The following BIRC6 variants were observed in gnomAD, a reference collection of about 807,000 sequenced individuals.
The protein encoded by BIRC6 is baculoviral IAP repeat containing 6.
A neutral mutation model predicts 503.3 loss-of-function variants in BIRC6; 98 were observed. The observed-to-expected ratio is 0.19, with a 90% CI of 0.17 to 0.23. The LOEUF is 0.23. Among genes scored for constraint, BIRC6 ranks in the 10% least tolerant of loss-of-function variants. BIRC6 has a pLI of 1.00. For missense variants in BIRC6, 5,360 were observed against 5,806.0 expected (o/e 0.92, Z 2.50); for synonymous variants, 2,240 against 2,078.7 (o/e 1.08, Z -2.11).
intron 4 of BIRC6, 135 bp downstream of exon 4, chr2:32,389,078 AAATC>A (rs1228621196): frequency 3.2e-6 from 2 of 616,780 alleles, no homozygotes; most frequent in Non-Finnish European, 4.9e-6. Flanking sequence ...AATTAAAAAA[AAATC>A]AATATGAATT....
At chr2:32,399,159 C>T (rs944570060) in intron 6 of BIRC6, among the ~76,000 whole-genome samples, 2 of 152,016 alleles carry the variant, frequency 1.3e-5, no homozygotes, top group African/African-American at 2.4e-5. Flanking sequence ...GATCTTGGTT[C>T]ACTGCAACCC....
chr2:32,605,573 G>C (rs568496000), intron 71 of BIRC6, among the ~76,000 whole-genome samples: 1 of 152,148 alleles, frequency 6.6e-6, no homozygotes, highest in Non-Finnish European at 1.5e-5. Context: ...CAGTAAATGT[G>C]AGATGTCTGG....
chr2:32,530,143 G>A lies in BIRC6; in HGVS notation c.12094+319G>A, dbSNP rs148915182. 7.1e-4 allele frequency among the ~76,000 whole-genome samples: 108 copies of A among 152,230 alleles called. 1 individual carries two copies. The highest frequency in any genetic ancestry group is 1.1e-3 in the Non-Finnish European group (77 of 68,008). Reference sequence around the variant, plus strand: ...ACTTTGTTATAATTTATATTGAGTGGCATTTCTTGCATATAAACATGTTTT... The same window carrying A: ...ACTTTGTTATAATTTATATTGAGTGACATTTCTTGCATATAAACATGTTTT... On this transcript the variant is annotated intron_variant, in intron 60 of 73. Coordinates refer to ENST00000421745, the MANE Select transcript of BIRC6 (RefSeq NM_016252.4).
chr2:32,511,055 T>C (rs2054340704), intron 53 of BIRC6, among the ~76,000 whole-genome samples: 1 of 152,154 alleles, frequency 6.6e-6, no homozygotes, highest in Non-Finnish European at 1.5e-5. Context: ...GTTCTGTTTA[T>C]TTATTATTGA....
At chr2:32,460,998 CTCTCT>C (rs1244077881) in intron 23 of BIRC6, among the ~76,000 whole-genome samples, 7,574 of 88,488 alleles carry the variant, frequency 0.086, 381 homozygotes, top group East Asian at 0.09. Context: ...CTCTGCTCTG[CTCTCT>C]TCTCTTCTCT....
chr2:32,596,907 C>T (rs2061712571), intron 68 of BIRC6, among the ~76,000 whole-genome samples: 1 of 152,134 alleles, frequency 6.6e-6, no homozygotes, highest in Non-Finnish European at 1.5e-5. Flanking sequence ...AAAGTTACTA[C>T]CTGTCAGAAA....
intron 72 of BIRC6, among the ~76,000 whole-genome samples, chr2:32,608,174 T>G (rs1187688227): frequency 6.6e-6 from 1 of 150,532 alleles, no homozygotes; most frequent in Non-Finnish European, 1.5e-5. Flanking sequence ...GCACCTGTAG[T>G]CTTAGATACT....
Position 32,575,267 on chromosome 2 carries a change from A to C in BIRC6, c.13256A>C (p.Asn4419Thr), listed in dbSNP as rs940513119. ...VPLLLPLSTENGEEEEEQSEC... is the reference protein window; with the variant it reads ...VPLLLPLSTETGEEEEEQSEC... ...CTATTGTTGCCCCTTTCTACAGAGA[A>C]CGGTGAAGAGGAAGAAGAACAGTCA... The change falls in exon 66 of 74, where the codon AAC (asparagine) becomes ACC (threonine). Residue 4419 changes from asparagine (N) to threonine (T), a missense_variant. Transcript: ENST00000421745. 1.4e-5 allele frequency: 22 copies of C among 1,613,854 alleles called. No individual in the cohort carries two copies. The highest frequency in any genetic ancestry group is 1.8e-5 in the Non-Finnish European group (21 of 1,179,886).
chr2:32,608,116 C>T (rs1342640994), intron 72 of BIRC6, among the ~76,000 whole-genome samples: 2 of 149,080 alleles, frequency 1.3e-5, no homozygotes, highest in African/African-American at 2.5e-5. Flanking sequence ...GACAATATAG[C>T]AAGACCCCAT....
chr2:32,502,655 T>G, intron 47 of BIRC6, 140 bp from the exon 48 acceptor site: 1 of 573,210 alleles, frequency 1.7e-6, no homozygotes, highest in Non-Finnish European at 2.9e-6. Context: ...TTCTTATGTA[T>G]TTTGGCAGAC....
At chr2:32,408,157 G>T (rs1407423205) in intron 9 of BIRC6, among the ~76,000 whole-genome samples, 2 of 152,090 alleles carry the variant, frequency 1.3e-5, no homozygotes, top group Non-Finnish European at 2.9e-5. Context: ...TAGTAGAGAT[G>T]GGGTTTCACC....
At chr2:32,584,952 C>G (rs1573196306) in intron 66 of BIRC6, among the ~76,000 whole-genome samples, 1 of 152,146 alleles carries the variant, frequency 6.6e-6, no homozygotes, top group Non-Finnish European at 1.5e-5. Flanking sequence ...AAACCCCTTT[C>G]TTTCTGGCAG....
intron 65 of BIRC6, among the ~76,000 whole-genome samples, chr2:32,551,255 G>T (rs1017513403): frequency 2.6e-5 from 4 of 151,474 alleles, no homozygotes; most frequent in African/African-American, 9.7e-5. Flanking sequence ...TATCAGTTTT[G>T]GTTAGAATAG....
intron 1 of BIRC6, among the ~76,000 whole-genome samples, chr2:32,365,012 C>G (rs1201458720): frequency 6.6e-6 from 1 of 152,122 alleles, no homozygotes; most frequent in Non-Finnish European, 1.5e-5. Context: ...GAATTCGGAT[C>G]TCAATAGCCC....
intron 66 of BIRC6, among the ~76,000 whole-genome samples, chr2:32,582,636 G>A (rs910213621): frequency 6.6e-6 from 1 of 152,038 alleles, no homozygotes; most frequent in Non-Finnish European, 1.5e-5. Context: ...GTGGTGGCAC[G>A]CACCCGTAAT....
intron 73 of BIRC6, among the ~76,000 whole-genome samples, chr2:32,613,225 G>GTC: frequency 6.6e-6 from 1 of 151,736 alleles, no homozygotes; most frequent in South Asian, 2.1e-4. Context: ...CTGAGACACT[G>GTC]TCTCTCTCTG....
Position 32,357,191 on chromosome 2 carries a change from C to G in BIRC6, c.30C>G (p.Pro10=), listed in dbSNP as rs1287503720. The change falls in exon 1 of 74, where the codon CCC becomes CCG. Residue 10 remains proline (P), a synonymous_variant. Coordinates refer to ENST00000421745, the MANE Select transcript of BIRC6 (RefSeq NM_016252.4). This position sits in a 1 kb window ranked among gnomAD's most constrained non-coding sequence, Gnocchi z 4.9. ...TGACTGGTGGTGGTGCTGCACCTCC[C>G]GGGACTGTCACTGAGCCGCTTCCCA... MVTGGGAAP[P]GTVTEPLPSV... 4.5e-6 allele frequency: 7 copies of G among 1,539,564 alleles called. No individual in the cohort carries two copies. The Admixed American group carries it at 1.2e-4, about 26-fold the overall frequency.
intron 47 of BIRC6, 63 bp downstream of exon 47, chr2:32,501,951 A>G: frequency 7.1e-7 from 1 of 1,413,646 alleles, no homozygotes; most frequent in South Asian, 1.3e-5. Flanking sequence ...TAAGTGGAAA[A>G]TTACAGGACA....
chr2:32,428,069 T>C, intron 10 of BIRC6, among the ~76,000 whole-genome samples: 1 of 152,232 alleles, frequency 6.6e-6, no homozygotes, highest in Non-Finnish European at 1.5e-5. Flanking sequence ...AGCCAAAGAT[T>C]GATAGGTTTG....
Sources: gnomAD v4.1 joint callset for allele counts (sites outside exome capture counted in the v4.1 genomes callset) on GRCh38, gnomAD v4.1.1 for gene constraint, Gnocchi (gnomAD v3.1) non-coding constraint, MANE v1.5 for transcripts, NCBI Gene and HGNC (gene_info 2026-07-23, HGNC 2026-07-21) for gene names.